SLC25A48: variants seen among roughly 807,000 people sequenced by gnomAD.
SLC25A48 encodes solute carrier family 25 member 48.
Under a neutral mutation model 32.2 loss-of-function variants are expected in SLC25A48, and 29 were observed. The ratio of observed to expected loss-of-function variants is 0.90; its 90% CI spans 0.67 to 1.23. The LOEUF is 1.23. Ranked by LOEUF, SLC25A48 falls within the 50% of genes most tolerant of loss-of-function variation. The pLI, the probability that SLC25A48 is intolerant of heterozygous loss-of-function variation, is 0.00. For missense variants in SLC25A48, 399 were observed against 422.7 expected, an observed-to-expected ratio of 0.94 and a Z score of 0.49; for synonymous variants, 164 against 172.3, an observed-to-expected ratio of 0.95 and a Z score of 0.38.
chr5:135,606,356 T>C (rs1209058107), intron 1 of SLC25A48, among the ~76,000 whole-genome samples: 1 of 152,258 alleles, frequency 6.6e-6, no homozygotes, highest in Non-Finnish European at 1.5e-5. Flanking sequence ...TTCAACATTT[T>C]ATTTTAAATA....
chr5:135,742,645 A>T (rs1005540958), intron 3 of SLC25A48: 1 of 588,790 alleles, frequency 1.7e-6, no homozygotes, highest in African/African-American at 1.9e-5. Context: ...CTCGAATGTC[A>T]CTCTTTCAGT....
Position 135,836,944 on chromosome 5 carries a change from C to CT in SLC25A48, c.46+2058dup, listed in dbSNP as rs1376768367. On this transcript the variant is annotated intron_variant, in intron 1 of 7. Coordinates refer to ENST00000681962, the MANE Select transcript of SLC25A48 (RefSeq NM_001349336.2). Reference sequence around the variant, plus strand: ...CAACCTTGCATAACAAAATTTTGCCCTTTTTTTGATATTATCCCCCCCCCC... The same window carrying CT: ...CAACCTTGCATAACAAAATTTTGCCCTTTTTTTTGATATTATCCCCCCCCCC... Among the ~76,000 whole-genome samples the CT allele has an allele frequency of 2.8e-5, 4 of 144,508 alleles. 1 individual carries two copies. Among genetic ancestry groups the CT allele is most frequent in the South Asian group, 4.4e-4 (2 of 4,564 alleles). 94.8% of individuals were successfully genotyped at this position (144,508 alleles called of 152,430 possible).
chr5:135,862,036 C>A (rs73791609), intron 4 of SLC25A48, among the ~76,000 whole-genome samples: 6,780 of 152,334 alleles, frequency 0.045, 340 homozygotes, highest in African/African-American at 0.12. Flanking sequence ...TGAAAAAACC[C>A]TTCCTTTTAA....
chr5:135,785,114 C>T (rs1158681467), intron 3 of SLC25A48, among the ~76,000 whole-genome samples: 2 of 152,058 alleles, frequency 1.3e-5, no homozygotes, highest in African/African-American at 4.8e-5. Flanking sequence ...AGATATTACT[C>T]CGAATATCAT....
intron 4 of SLC25A48, among the ~76,000 whole-genome samples, chr5:135,864,390 A>G (rs1270803944): frequency 6.6e-6 from 1 of 152,226 alleles, no homozygotes; most frequent in Non-Finnish European, 1.5e-5. Flanking sequence ...CAGATTTTCC[A>G]AGACTTTCCC....
In SLC25A48 at chr5:135,876,128, C is replaced by CTTTTTTT. The variant is rs1402681382; in HGVS notation, c.813+1976_813+1977insTTTTTTT. 3.6e-4 allele frequency: 17 copies of CTTTTTTT among 47,864 alleles called. 1 individual carries two copies. The highest frequency in any genetic ancestry group is 3.5e-3 in the East Asian group (3 of 862). 3.0% of individuals were successfully genotyped at this position (47,864 alleles called of 1,614,324 possible). ...TTGTCTTTTGTATCTTTTTTTTCTTCTTCTTTTTTTTTTTTTTTTTTTTTT... is the reference window on the plus strand; with the variant it reads ...TTGTCTTTTGTATCTTTTTTTTCTTCTTTTTTTTTCTTTTTTTTTTTTTTTTTTTTTT... On this transcript the variant is annotated intron_variant, in intron 6 of 7. Coordinates refer to ENST00000681962, the MANE Select transcript of SLC25A48 (RefSeq NM_001349336.2).
At chr5:135,695,923 T>C (rs1372117904) in intron 3 of SLC25A48, among the ~76,000 whole-genome samples, 1 of 152,196 alleles carries the variant, frequency 6.6e-6, no homozygotes, top group Non-Finnish European at 1.5e-5. Flanking sequence ...GCAGGATGTT[T>C]GCCCCTTCAC....
intron 3 of SLC25A48, among the ~76,000 whole-genome samples, chr5:135,775,924 A>G (rs1280017269): frequency 2.0e-5 from 3 of 151,270 alleles, no homozygotes; most frequent in East Asian, 1.9e-4. Context: ...AAAAGTGTAC[A>G]CCCCCACTGT....
In SLC25A48 at chr5:135,874,023, G is replaced by T; in HGVS notation, c.682G>T (p.Ala228Ser). Residue 228 changes from alanine to serine, a missense_variant and splice_region_variant, in exon 6 of 8, where the codon GCA becomes TCA. By Grantham distance (99) the Ala-to-Ser change is moderately conservative. Coordinates refer to ENST00000681962, the MANE Select transcript of SLC25A48 (RefSeq NM_001349336.2). ...CACCTGTTTCTTTCTCTTTGCAGGA[G>T]CAATTTCTTGGGGGACAGCGACTCC... The part of the protein sequence containing the change: ...AVWLAGGMAG[A>S]ISWGTATPMD... 6.5e-7 allele frequency: 1 copy of T among 1,532,756 alleles called. No homozygotes were observed. Among genetic ancestry groups the T allele is most frequent in the East Asian group, 2.5e-5 (1 of 40,646 alleles). 94.9% of individuals were successfully genotyped at this position (1,532,756 alleles called of 1,614,324 possible).
chr5:135,665,626 C>T (rs910463516), intron 3 of SLC25A48, among the ~76,000 whole-genome samples: 8 of 152,048 alleles, frequency 5.3e-5, no homozygotes, highest in South Asian at 4.1e-4. Flanking sequence ...AGATAGGGAT[C>T]GCGTTTTACA....
intron 3 of SLC25A48, among the ~76,000 whole-genome samples, chr5:135,703,878 C>T (rs1158749494): frequency 6.6e-6 from 1 of 152,230 alleles, no homozygotes; most frequent in East Asian, 1.9e-4. Context: ...TTTCTGCGTA[C>T]TGTGCCCTTA....
chr5:135,634,611 T>C (rs558642861), intron 2 of SLC25A48, among the ~76,000 whole-genome samples: 43 of 152,260 alleles, frequency 2.8e-4, no homozygotes, highest in Admixed American at 1.1e-3. Context: ...AAGCAGTGAT[T>C]TGGGGTTCAG....
intron 3 of SLC25A48, among the ~76,000 whole-genome samples, chr5:135,792,790 C>T (rs997396257): frequency 7.3e-5 from 11 of 151,186 alleles, no homozygotes; most frequent in African/African-American, 2.7e-4. Flanking sequence ...GGATATTATT[C>T]CTAATATACT....
chr5:135,745,258 G>T (rs969100222), intron 3 of SLC25A48, among the ~76,000 whole-genome samples: 1 of 152,212 alleles, frequency 6.6e-6, no homozygotes, highest in African/African-American at 2.4e-5. Context: ...CAAAGGGACA[G>T]GCTCTGGCTT....
chr5:135,879,835 G>A, intron 6 of SLC25A48, 133 bp from the exon 7 acceptor site: 2 of 1,293,992 alleles, frequency 1.5e-6, no homozygotes, highest in East Asian at 2.5e-5. Context: ...GTCTCTGCCT[G>A]CACAGGTCCT....
At chr5:135,868,769 A>G (rs1761418130) in intron 4 of SLC25A48, among the ~76,000 whole-genome samples, 1 of 152,172 alleles carries the variant, frequency 6.6e-6, no homozygotes, top group African/African-American at 2.4e-5. Flanking sequence ...TGCCAAAGTC[A>G]GTTCAAGGTT....
intron 3 of SLC25A48, among the ~76,000 whole-genome samples, chr5:135,767,953 A>C (rs1756286933): frequency 7.2e-6 from 1 of 138,924 alleles, no homozygotes; most frequent in African/African-American, 3.0e-5. Flanking sequence ...TGTTTGTAAT[A>C]TCCGGGGGGG....
chr5:135,725,420 G>A (rs1465240697), intron 3 of SLC25A48, among the ~76,000 whole-genome samples: 1 of 152,120 alleles, frequency 6.6e-6, no homozygotes, highest in African/African-American at 2.4e-5. Flanking sequence ...TCAGGCAGGG[G>A]AAACAGCACG....
chr5:135,665,126 G>T (rs1753490099), intron 3 of SLC25A48, among the ~76,000 whole-genome samples: 1 of 152,216 alleles, frequency 6.6e-6, no homozygotes, highest in African/African-American at 2.4e-5. Context: ...TCTTGTAAAA[G>T]TAAGGTGGTA....
Sources: allele counts gnomAD v4.1 joint callset (sites outside exome capture counted in the v4.1 genomes callset), GRCh38; gene constraint gnomAD v4.1.1; transcripts MANE v1.5; gene names NCBI Gene and HGNC (gene_info 2026-07-23, HGNC 2026-07-21).